The following ZNF638 variants were observed in gnomAD, a reference collection of about 807,000 sequenced individuals.
The protein encoded by ZNF638 is zinc finger protein 638.
A neutral mutation model predicts 195.6 loss-of-function variants in ZNF638; 46 were observed. The observed-to-expected ratio is 0.24, with a 90% confidence interval of 0.19 to 0.30. The LOEUF is 0.30. Ranked by LOEUF, ZNF638 falls within the 10% of genes least tolerant of loss-of-function variation. The pLI is 1.00. For synonymous variants in ZNF638, 845 were observed against 772.0 expected, an observed-to-expected ratio of 1.09 and a Z score of -1.57; for missense variants, 2,440 against 2,325.3, an observed-to-expected ratio of 1.05 and a Z score of -1.01.
chr2:71,382,874 T>C (rs1394719390), intron 10 of ZNF638, among the ~76,000 whole-genome samples: 2 of 152,192 alleles, frequency 1.3e-5, no homozygotes, highest in African/African-American at 2.4e-5. Flanking sequence ...AAATGACTTA[T>C]TAAGTAGACA....
At chr2:71,398,286 A>G (rs990435972) in intron 11 of ZNF638, among the ~76,000 whole-genome samples, 5 of 152,180 alleles carry the variant, frequency 3.3e-5, no homozygotes, top group African/African-American at 7.2e-5. Flanking sequence ...TATGTTTCAT[A>G]TACACCTTAT....
chr2:71,386,904 G>A (rs1000203633), intron 10 of ZNF638, among the ~76,000 whole-genome samples: 1 of 151,324 alleles, frequency 6.6e-6, no homozygotes, highest in African/African-American at 2.4e-5. Flanking sequence ...CTGGAGTTCA[G>A]TTGTGGAATC....
chr2:71,365,229 A>G (rs954953986), intron 5 of ZNF638, among the ~76,000 whole-genome samples, 200 bp from the exon 6 acceptor site: 2 of 152,200 alleles, frequency 1.3e-5, no homozygotes, highest in African/African-American at 4.8e-5. Flanking sequence ...AGCAATCTCA[A>G]AACCAAAAGT....
At position 71,380,526 on chromosome 2, in the gene ZNF638, G is replaced by A. The variant is rs144800862; in HGVS notation, c.2338G>A (p.Ala780Thr). ...CCTTTTAAATAGAAGAGATGCAGAT[G>A]CTTCAAAAGCTGTTGAAATTGTTAC... ...SASTLKRDAD[A>T]SKAVEIVTST... is the part of the protein sequence containing the mutation. Residue 780 changes from alanine to threonine, a missense_variant, in exon 10 of 28, where the codon GCT (alanine) becomes ACT (threonine). Coordinates refer to ENST00000264447, the MANE Select transcript of ZNF638 (RefSeq NM_014497.5). The A allele has an allele frequency of 6.9e-6, 11 of 1,604,658 alleles. No homozygotes were observed. The African/African-American group carries it at 1.2e-4, about 18-fold the overall frequency.
intron 19 of ZNF638, 186 bp from the exon 20 acceptor site, chr2:71,407,936 G>A (rs1447755801): frequency 2.1e-6 from 1 of 487,414 alleles, no homozygotes; most frequent in Admixed American, 4.0e-5. Flanking sequence ...ATGGACAGTT[G>A]GGTTGCTTCT....
chr2:71,332,913 T>C (rs2078598002), intron 1 of ZNF638: 1 of 152,258 alleles, frequency 6.6e-6, no homozygotes, highest in Admixed American at 6.5e-5. Context: ...CAGCGATTTA[T>C]GTTCAAGTAC....
intron 8 of ZNF638, 49 bp from the exon 9 acceptor site, chr2:71,380,171 TAA>T: frequency 8.9e-7 from 1 of 1,126,750 alleles, no homozygotes; most frequent in Non-Finnish European, 1.2e-6. Flanking sequence ...CTATATTTTC[TAA>T]ATTGCTTTAT....
rs1288709866 is a variant in ZNF638, at chr2:71,341,390, AAAAAT to A, written c.-202-7357_-202-7353del. Among the ~76,000 whole-genome samples, 8 of 152,316 alleles carry A rather than the reference AAAAAT, an allele frequency of 5.3e-5. No individual in the cohort carries two copies. The East Asian group carries it at 1.3e-3, about 26-fold the overall frequency. ...AGTTTTTGAAAAATAGTAAATTTAGAAAAATAAAATGTCAACTGAAAAGAGCAAAT... is the reference window on the plus strand; with the variant it reads ...AGTTTTTGAAAAATAGTAAATTTAGAAAAATGTCAACTGAAAAGAGCAAAT... On this transcript the variant is annotated intron_variant, in intron 1 of 27. Coordinates refer to ENST00000264447, the MANE Select transcript of ZNF638 (RefSeq NM_014497.5).
Position 71,400,400 on chromosome 2 carries a change from A to G in ZNF638, c.2657-78A>G, listed in dbSNP as rs2079983241. 3 of 1,372,966 alleles carry G rather than the reference A, an allele frequency of 2.2e-6. No individual in the cohort carries two copies. The Admixed American group carries it at 6.7e-5, about 31-fold the overall frequency. The allele number at this position is 1,372,966 out of a possible 1,614,324, so 85.0% of individuals were successfully genotyped here. On this transcript the variant is annotated intron_variant, in intron 14 of 27. Coordinates refer to ENST00000264447, the MANE Select transcript of ZNF638 (RefSeq NM_014497.5). ...TTGTATTACACGTTTTCATGTAGCT[A>G]CTGTTTAACCTATTGTGGAATAAAG...
chr2:71,423,931 G>T lies in ZNF638; in HGVS notation c.4417G>T (p.Ala1473Ser). 6.2e-7 allele frequency: 1 copy of T among 1,614,030 alleles called. No individual in the cohort carries two copies. The highest frequency in any genetic ancestry group is 8.5e-7 in the Non-Finnish European group (1 of 1,179,970). ...LTRGGSGRIS[A>S]LQGKLSKLDY... Reference sequence around the variant, plus strand: ...CAGAGGAGGCAGTGGAAGGATCTCAGCCCTGCAAGGCAAGCTTTCTAAACT... The same window carrying T: ...CAGAGGAGGCAGTGGAAGGATCTCATCCCTGCAAGGCAAGCTTTCTAAACT... The change falls in exon 22 of 28, where the codon GCC becomes TCC. Residue 1473 changes from alanine to serine, a missense_variant. Physicochemically the swap from Ala to Ser is moderately conservative, Grantham distance 99. This residue lies in a region of ZNF638 where 1,883 missense variants were observed against 1,739.1 expected (regional missense o/e 1.08). Transcript: ENST00000264447.
intron 2 of ZNF638, among the ~76,000 whole-genome samples, chr2:71,350,562 G>A (rs1364764555): frequency 6.6e-6 from 1 of 152,114 alleles, no homozygotes; most frequent in Non-Finnish European, 1.5e-5. Flanking sequence ...TGTAACATAA[G>A]CTGCGTACTT....
intron 3 of ZNF638, among the ~76,000 whole-genome samples, chr2:71,357,346 G>A (rs888545848): frequency 1.3e-5 from 2 of 152,154 alleles, no homozygotes; most frequent in Admixed American, 6.5e-5. Context: ...CACTAAGACT[G>A]GAAATTGGGG....
At chr2:71,383,560 G>GTTTGTTTTTTTTTT (rs2079571507) in intron 10 of ZNF638, among the ~76,000 whole-genome samples, 4 of 122,118 alleles carry the variant, frequency 3.3e-5, no homozygotes, top group Non-Finnish European at 6.6e-5. Context: ...TTCCTGGGTG[G>GTTTGTTTTTTTTTT]TTTTTTTTTT....
At chr2:71,337,737 G>A (rs1476554473) in intron 1 of ZNF638, among the ~76,000 whole-genome samples, 1 of 151,976 alleles carries the variant, frequency 6.6e-6, no homozygotes, top group African/African-American at 2.4e-5. Context: ...TTGTATTCTG[G>A]TTTTTGTCAA....
intron 15 of ZNF638, among the ~76,000 whole-genome samples, chr2:71,401,597 G>C (rs1451088071): frequency 2.6e-5 from 4 of 151,864 alleles, no homozygotes; most frequent in Admixed American, 2.0e-4. Context: ...TGAGACACAA[G>C]AATCACTTGA....
chr2:71,366,241 T>C (rs2079197575), intron 6 of ZNF638, among the ~76,000 whole-genome samples: 1 of 151,838 alleles, frequency 6.6e-6, no homozygotes, highest in South Asian at 2.1e-4. Flanking sequence ...TCCCAGCTAC[T>C]TGGGAGGCCT....
chr2:71,370,331 A>G (rs2079286297), intron 8 of ZNF638, among the ~76,000 whole-genome samples: 1 of 152,128 alleles, frequency 6.6e-6, no homozygotes, highest in African/African-American at 2.4e-5. Flanking sequence ...CCCAATTCTT[A>G]CACCCTCCCT....
At chr2:71,422,767 T>G (rs1462389831) in intron 21 of ZNF638, 47 bp from the exon 22 acceptor site, 1 of 1,553,668 alleles carries the variant, frequency 6.4e-7, no homozygotes, top group South Asian at 1.2e-5. Context: ...TGATTTTTGT[T>G]TGTGTTTTTG....
At chr2:71,385,089 G>GA (rs2079610140) in intron 10 of ZNF638, among the ~76,000 whole-genome samples, 1 of 152,132 alleles carries the variant, frequency 6.6e-6, no homozygotes. Context: ...TACTGACAAA[G>GA]ACACTACACA....
Sources: allele counts gnomAD v4.1 joint callset (sites outside exome capture counted in the v4.1 genomes callset), GRCh38; gene constraint gnomAD v4.1.1; regional missense constraint gnomAD v4.1.1; transcripts MANE v1.5; gene names NCBI Gene and HGNC (gene_info 2026-07-23, HGNC 2026-07-21).